RYR3: variants seen among roughly 807,000 people sequenced by gnomAD.
The protein encoded by RYR3 is brain ryanodine receptor-calcium release channel.
In RYR3, 207 loss-of-function variants were observed where a neutral mutation model predicts 584.3. That is an observed-to-expected ratio of 0.35 (90% CI 0.32 to 0.40). The LOEUF (loss-of-function observed/expected upper bound fraction) is 0.40, where lower values mean the gene tolerates loss of function less well. Among genes scored for constraint, RYR3 ranks in the 10% least tolerant of loss-of-function variants. The pLI is 1.00. For missense variants in RYR3, 5,616 were observed against 6,089.2 expected (o/e 0.92, Z 2.59); for synonymous variants, 2,416 against 2,248.5 (o/e 1.07, Z -2.11).
At chr15:33,372,388 G>T (rs7171698) in intron 1 of RYR3, among the ~76,000 whole-genome samples, 3 of 131,612 alleles carry the variant, frequency 2.3e-5, no homozygotes, top group Non-Finnish European at 3.1e-5. Flanking sequence ...TTTTTTGGAG[G>T]TGGAGTCTCA....
At chr15:33,619,217 G>A (rs1171025199) in intron 19 of RYR3, among the ~76,000 whole-genome samples, 1 of 152,208 alleles carries the variant, frequency 6.6e-6, no homozygotes, top group African/African-American at 2.4e-5. Context: ...TGCTGTGGTG[G>A]AACGGATTAA....
intron 15 of RYR3, among the ~76,000 whole-genome samples, chr15:33,585,121 G>C (rs529795015): frequency 6.6e-6 from 1 of 152,072 alleles, no homozygotes; most frequent in East Asian, 1.9e-4. Flanking sequence ...GGAAGCTGAA[G>C]GGTTTTGATG....
chr15:33,644,315 C>T lies in RYR3; in HGVS notation c.3561C>T (p.Phe1187=), dbSNP rs767631260. The T allele has an allele frequency of 9.9e-6, 16 of 1,608,930 alleles. No homozygotes were observed. Among genetic ancestry groups the T allele is most frequent in the African/African-American group, 9.3e-5 (7 of 74,874 alleles). ...GTCTCTCTAACTCTTCTGCAGGCTT[C>T]GTGCCCATCTGCTGTCTGGGTCTAT... ...AFADYEIENG[F]VPICCLGLSQ... Residue 1187 remains phenylalanine (F), a synonymous_variant, in exon 28 of 104, where the codon TTC becomes TTT. Transcript: ENST00000634891.
intron 64 of RYR3, among the ~76,000 whole-genome samples, chr15:33,778,421 A>C (rs545598083): frequency 2.6e-5 from 4 of 152,286 alleles, no homozygotes; most frequent in Admixed American, 2.6e-4. Flanking sequence ...GCCTCTTGTG[A>C]ATGCCTGTAT....
intron 2 of RYR3, among the ~76,000 whole-genome samples, chr15:33,476,096 G>A (rs984008552): frequency 2.6e-5 from 4 of 152,124 alleles, no homozygotes; most frequent in Non-Finnish European, 4.4e-5. Flanking sequence ...GAAAGACCAC[G>A]GATCAGCCCC....
At chr15:33,823,896 C>T (rs1443374341) in intron 81 of RYR3, among the ~76,000 whole-genome samples, 1 of 152,080 alleles carries the variant, frequency 6.6e-6, no homozygotes, top group East Asian at 1.9e-4. Context: ...GGATGGTCAT[C>T]CTTTCTCTTG....
At chr15:33,760,290 C>T (rs1009146066) in intron 60 of RYR3, among the ~76,000 whole-genome samples, 15 of 152,138 alleles carry the variant, frequency 9.9e-5, no homozygotes, top group African/African-American at 3.4e-4. Context: ...ACAATGGTAA[C>T]CTTAAATGCA....
Position 33,624,043 on chromosome 15 carries a change from A to G in RYR3, c.2574+20A>G. 10 of 1,535,122 alleles carry G rather than the reference A, an allele frequency of 6.5e-6. No individual in the cohort carries two copies. The highest frequency in any genetic ancestry group is 9.0e-6 in the Non-Finnish European group (10 of 1,109,188). On this transcript the variant is annotated intron_variant, in intron 20 of 103. Transcript: ENST00000634891. The stretch of plus-strand genomic sequence containing the variant: ...AGTCAGGTAGGTTCAAATTGCCCGC[A>G]GAAGGCAACCAATATAGATGAAGCA...
intron 66 of RYR3, among the ~76,000 whole-genome samples, chr15:33,787,585 T>C (rs1313570071): frequency 1.3e-5 from 2 of 152,114 alleles, no homozygotes; most frequent in Non-Finnish European, 2.9e-5. Flanking sequence ...CTCTGATTGC[T>C]TGTTTCTGCT....
chr15:33,719,918 T>A (rs1157759318), intron 43 of RYR3, among the ~76,000 whole-genome samples: 2 of 152,222 alleles, frequency 1.3e-5, no homozygotes, highest in Middle Eastern at 3.2e-3. Flanking sequence ...CCCATTATTA[T>A]GATAATTTTA....
At chr15:33,469,560 G>A (rs572533723) in intron 1 of RYR3, among the ~76,000 whole-genome samples, 9 of 152,026 alleles carry the variant, frequency 5.9e-5, no homozygotes, top group African/African-American at 1.9e-4. Context: ...ATAATGATGT[G>A]TAAGCTGAGG....
chr15:33,683,580 G>A (rs916975130), intron 38 of RYR3, among the ~76,000 whole-genome samples: 3 of 152,128 alleles, frequency 2.0e-5, no homozygotes, highest in African/African-American at 4.8e-5. Context: ...ACAGAAGACG[G>A]GTGATTTCTG....
intron 88 of RYR3, 58 bp downstream of exon 88, chr15:33,837,045 C>A: frequency 7.6e-7 from 1 of 1,314,260 alleles, no homozygotes; most frequent in Non-Finnish European, 1.1e-6. Context: ...TGAGCACTAA[C>A]CTTACTGATC....
intron 38 of RYR3, among the ~76,000 whole-genome samples, chr15:33,686,608 G>T (rs1038571260): frequency 2.6e-5 from 4 of 152,078 alleles, no homozygotes; most frequent in African/African-American, 9.7e-5. Context: ...CCAAAGCCTG[G>T]CAGAGACACA....
chr15:33,676,945 G>C (rs2064222817), intron 38 of RYR3, among the ~76,000 whole-genome samples: 1 of 152,200 alleles, frequency 6.6e-6, no homozygotes, highest in Non-Finnish European at 1.5e-5. Context: ...TCAGGAGAGA[G>C]AAAGTCGAAC....
chr15:33,860,772 C>CCAGTACTAAGCAAGA, intron 101 of RYR3, 113 bp downstream of exon 101: 1 of 864,264 alleles, frequency 1.2e-6, no homozygotes, highest in African/African-American at 1.8e-5. Flanking sequence ...AGCAAGAACG[C>CCAGTACTAAGCAAGA]AGTTTGTTTT....
intron 18 of RYR3, among the ~76,000 whole-genome samples, chr15:33,606,234 T>C (rs1204913783): frequency 6.6e-6 from 1 of 152,166 alleles, no homozygotes; most frequent in Non-Finnish European, 1.5e-5. Flanking sequence ...TACTATAAGA[T>C]TCTTATGAAA....
At chr15:33,441,557 C>A (rs907672257) in intron 1 of RYR3, among the ~76,000 whole-genome samples, 7 of 152,072 alleles carry the variant, frequency 4.6e-5, no homozygotes, top group Non-Finnish European at 1.0e-4. Context: ...GAAGTGGGGA[C>A]TTAAACCCAT....
At chr15:33,451,555 C>T (rs1232304505) in intron 1 of RYR3, among the ~76,000 whole-genome samples, 2 of 152,034 alleles carry the variant, frequency 1.3e-5, no homozygotes, top group Non-Finnish European at 2.9e-5. Context: ...ATTATTAATG[C>T]GTCAGTGACG....
Sources: gnomAD v4.1 joint callset for allele counts (sites outside exome capture counted in the v4.1 genomes callset) on GRCh38, gnomAD v4.1.1 for gene constraint, MANE v1.5 for transcripts, NCBI Gene and HGNC (gene_info 2026-07-23, HGNC 2026-07-21) for gene names.